RELN: variants seen among roughly 807,000 people sequenced by gnomAD.
RELN encodes reelin.
Under a neutral mutation model 427.6 loss-of-function variants are expected in RELN, and 108 were observed. The ratio of observed to expected loss-of-function variants is 0.25; its 90% CI spans 0.22 to 0.30. The LOEUF is 0.30. Among genes scored for constraint, RELN ranks in the 10% least tolerant of loss-of-function variants. The pLI is 1.00. For missense variants in RELN, 3,715 were observed against 4,302.8 expected (o/e 0.86, Z 3.82); for synonymous variants, 1,524 against 1,513.4 (o/e 1.01, Z -0.16).
intron 1 of RELN, among the ~76,000 whole-genome samples, chr7:103,945,883 A>G (rs1796210583): frequency 6.6e-6 from 1 of 152,166 alleles, no homozygotes; most frequent in Non-Finnish European, 1.5e-5. Context: ...TGCAGGTTTT[A>G]GCTTAGGAGC....
chr7:103,989,356 T>TGCCGATGCCGCC lies in RELN; in HGVS notation c.-1_1insGGCGGCATCGGC. The TGCCGATGCCGCC allele has an allele frequency of 7.8e-7, 1 of 1,282,440 alleles. No homozygotes were observed. The highest frequency in any genetic ancestry group is 3.0e-5 in the Admixed American group (1 of 33,288). The allele number at this position is 1,282,440 out of a possible 1,614,324, so 79.4% of individuals were successfully genotyped here. ...TGCCGGGCCCAGCCACTGCGCTCCA[T>TGCCGATGCCGCC]GCCGCCGCCGCCGCCGCCGCCGCCG... is the stretch of plus-strand genomic sequence containing the variant. On this transcript the variant is annotated 5_prime_UTR_variant, in exon 1 of 65. Coordinates refer to ENST00000428762, the MANE Select transcript of RELN (RefSeq NM_005045.4). The surrounding 1 kb of genome is among the most constrained non-coding windows in gnomAD (Gnocchi z 4.9).
At chr7:103,863,230 A>T (rs1449537783) in intron 2 of RELN, among the ~76,000 whole-genome samples, 1 of 152,194 alleles carries the variant, frequency 6.6e-6, no homozygotes, top group East Asian at 1.9e-4. Flanking sequence ...GACATGACGC[A>T]TAAAAGCAAG....
rs777090806 is a variant in RELN at position 103,486,344 on chromosome 7, G to T, written c.9836C>A (p.Thr3279Asn). The change falls in exon 61 of 65, where the codon ACC becomes AAC. Residue 3279 changes from threonine (T) to asparagine (N), a missense_variant. Physicochemically the swap from Thr to Asn is moderately conservative, Grantham distance 65 (BLOSUM62 0). Around this residue, in one of 4 missense-constraint regions of RELN, gnomAD observed 195 missense variants for 281.3 expected, o/e 0.69. Coordinates refer to ENST00000428762, the MANE Select transcript of RELN (RefSeq NM_005045.4). ...TTGAATGGTCTCCCAGTTTGCCTCG[G>T]TGACTCTTGCGGACTCAAAATTATC... ...IKDNFESARV[T>N]EANWETIQGG... The T allele has an allele frequency of 6.2e-7, 1 of 1,614,186 alleles. No homozygotes were observed. Among genetic ancestry groups the T allele is most frequent in the Non-Finnish European group, 8.5e-7 (1 of 1,180,026 alleles).
At position 103,989,473 on chromosome 7, in the gene RELN, CGGAACGGGCTCG is replaced by C. The variant is rs1485087393; in HGVS notation, c.-129_-118del. 1 of 907,970 alleles carries C rather than the reference CGGAACGGGCTCG, an allele frequency of 1.1e-6. No individual in the cohort carries two copies. Among genetic ancestry groups the C allele is most frequent in the Non-Finnish European group, 1.5e-6 (1 of 664,314 alleles). 56.2% of individuals were successfully genotyped at this position (907,970 alleles called of 1,614,324 possible). A position where few individuals can be genotyped will look rare whatever the true frequency, so the allele number is the denominator to read the frequency against. On this transcript the variant is annotated 5_prime_UTR_variant, in exon 1 of 65. Coordinates refer to ENST00000428762, the MANE Select transcript of RELN (RefSeq NM_005045.4). This position sits in a 1 kb window ranked among gnomAD's most constrained non-coding sequence, Gnocchi z 4.9. ...AAGGCGAGAAGAAGGCGGACGGGAG[CGGAACGGGCTCG>C]GGAGCGGGCCTGGGAGCGGGCCCCC...
intron 3 of RELN, among the ~76,000 whole-genome samples, chr7:103,783,118 AT>A (rs1196635162): frequency 6.7e-6 from 1 of 149,180 alleles, no homozygotes; most frequent in African/African-American, 2.5e-5. Context: ...TAAAATTCTT[AT>A]CCCTTTGTAT....
intron 50 of RELN, chr7:103,512,936 T>G (rs939807177): frequency 2.6e-5 from 4 of 152,218 alleles, no homozygotes; most frequent in African/African-American, 9.6e-5. Flanking sequence ...ATATTGTGTC[T>G]TTTTGATTTT....
intron 43 of RELN, among the ~76,000 whole-genome samples, chr7:103,542,168 CTG>C (rs1229354637): frequency 6.6e-6 from 1 of 152,148 alleles, no homozygotes. Flanking sequence ...TTCTGAGTGA[CTG>C]TGTTCAATTT....
chr7:103,652,497 C>G, intron 14 of RELN, 54 bp downstream of exon 14: 1 of 1,443,196 alleles, frequency 6.9e-7, no homozygotes, highest in Non-Finnish European at 9.7e-7. Context: ...ATTTAATAGC[C>G]AAATCTGCAA....
In RELN at chr7:103,574,086, T is replaced by G. The variant is rs1373070303; in HGVS notation, c.4511+6A>C. 2 of 1,606,596 alleles carry G rather than the reference T, an allele frequency of 1.2e-6. No individual in the cohort carries two copies. Among genetic ancestry groups the G allele is most frequent in the Admixed American group, 1.7e-5 (1 of 59,992 alleles). On this transcript the variant is annotated splice_donor_region_variant and intron_variant, in intron 30 of 64. Coordinates refer to ENST00000428762, the MANE Select transcript of RELN (RefSeq NM_005045.4). ...GTGAAAAAGTATACCAGTTAATACTTGTTACCTGATATTCCTGGTGTCCAG... is the reference window on the plus strand; with the variant it reads ...GTGAAAAAGTATACCAGTTAATACTGGTTACCTGATATTCCTGGTGTCCAG...
chr7:103,827,373 A>G (rs1793169419), intron 3 of RELN, among the ~76,000 whole-genome samples: 1 of 152,038 alleles, frequency 6.6e-6, no homozygotes, highest in Admixed American at 6.6e-5. Context: ...AATGAAGGGA[A>G]TAGTTTTGCC....
intron 28 of RELN, among the ~76,000 whole-genome samples, chr7:103,587,461 G>C (rs1357561198): frequency 1.3e-5 from 2 of 151,922 alleles, no homozygotes; most frequent in Non-Finnish European, 2.9e-5. Context: ...CCTGGATATT[G>C]GTCTAAAAAG....
chr7:103,719,601 AGACT>A (rs761702403), intron 8 of RELN, among the ~76,000 whole-genome samples: 91,826 of 152,016 alleles, frequency 0.6, 29,077 homozygotes, highest in African/African-American at 0.81. Flanking sequence ...AATTTTGTTA[AGACT>A]GTGTGGTAGA....
rs370623287 is a variant in RELN, at chr7:103,692,712, T to G, written c.1143+5141A>C. Among the ~76,000 whole-genome samples the G allele has an allele frequency of 3.3e-5, 5 of 152,148 alleles. No individual in the cohort carries two copies. The East Asian group carries it at 9.7e-4, about 30-fold the overall frequency. The stretch of plus-strand genomic sequence containing the variant: ...AGTCTTGGGACCTACCCTAGTTTCA[T>G]GCAAAGAGGGCAGGGATAAAGGAGC... On this transcript the variant is annotated intron_variant, in intron 10 of 64. Coordinates refer to ENST00000428762, the MANE Select transcript of RELN (RefSeq NM_005045.4).
intron 11 of RELN, among the ~76,000 whole-genome samples, chr7:103,673,073 G>A (rs1187821294): frequency 2.0e-5 from 3 of 152,032 alleles, no homozygotes; most frequent in South Asian, 4.1e-4. Context: ...AACTTACTGT[G>A]AGAATCTCAT....
intron 13 of RELN, 22 bp from the exon 14 acceptor site, chr7:103,652,781 A>T: frequency 6.2e-7 from 1 of 1,603,370 alleles, no homozygotes; most frequent in Non-Finnish European, 8.5e-7. Flanking sequence ...AGGAGACCAG[A>T]ATCACTCAAA....
rs1831472486 is a variant in RELN at position 103,593,689 on chromosome 7, T to A, written c.3905A>T (p.Gln1302Leu). The change falls in exon 27 of 65, where the codon CAG becomes CTG. Residue 1302 changes from glutamine to leucine, a missense_variant. Around this residue, in one of 4 missense-constraint regions of RELN, gnomAD observed 2,208 missense variants for 2,361.7 expected, o/e 0.93. Transcript: ENST00000428762. ...DLTLKPGYVL[Q>L]FKLNIGCANQ... ...AAGCTTGTGCATAAATACCTTGAAC[T>A]GTAGCACATATCCAGGTTTCAGGGT... The A allele has an allele frequency of 6.2e-7, 1 of 1,613,404 alleles. No homozygotes were observed. The highest frequency in any genetic ancestry group is 8.5e-7 in the Non-Finnish European group (1 of 1,179,374).
chr7:103,624,551 C>A (rs990383043), intron 20 of RELN, among the ~76,000 whole-genome samples: 1 of 152,174 alleles, frequency 6.6e-6, no homozygotes, highest in Non-Finnish European at 1.5e-5. Flanking sequence ...CTCAGCCTCC[C>A]AAGTAGCTGG....
intron 45 of RELN, among the ~76,000 whole-genome samples, chr7:103,538,239 A>G (rs1353800368): frequency 6.6e-6 from 1 of 152,140 alleles, no homozygotes; most frequent in Non-Finnish European, 1.5e-5. Flanking sequence ...AAATAACCAA[A>G]TTCCTCAAAT....
At chr7:103,734,584 G>A (rs1436931701) in intron 6 of RELN, among the ~76,000 whole-genome samples, 2 of 152,110 alleles carry the variant, frequency 1.3e-5, no homozygotes, top group Non-Finnish European at 2.9e-5. Context: ...TTTATCACAT[G>A]CTTAGGTTCC....
Sources: gnomAD v4.1 joint callset for allele counts (sites outside exome capture counted in the v4.1 genomes callset) on GRCh38, gnomAD v4.1.1 for gene constraint, gnomAD v4.1.1 regional missense constraint, Gnocchi (gnomAD v3.1) non-coding constraint, MANE v1.5 for transcripts, NCBI Gene and HGNC (gene_info 2026-07-23, HGNC 2026-07-21) for gene names.